Variants in MARCHF1 observed in about 807,000 individuals in gnomAD.
MARCHF1 encodes the protein E3 ubiquitin-protein ligase MARCHF1.
Under a neutral mutation model 54.2 loss-of-function variants are expected in MARCHF1, and 40 were observed. The observed-to-expected ratio is 0.74, with a 90% CI of 0.57 to 0.96. MARCHF1 has a LOEUF of 0.96. Among genes scored for constraint, MARCHF1 ranks in the 40% least tolerant of loss-of-function variants. MARCHF1 has a pLI of 0.00. For synonymous variants in MARCHF1, 236 were observed against 236.3 expected, an observed-to-expected ratio of 1.00 and a Z score of 0.01; for missense variants, 586 against 656.5, an observed-to-expected ratio of 0.89 and a Z score of 1.17.
intron 5 of MARCHF1, among the ~76,000 whole-genome samples, chr4:163,661,925 A>G (rs1743355983): frequency 6.6e-6 from 1 of 152,100 alleles, no homozygotes; most frequent in Non-Finnish European, 1.5e-5. Context: ...ATGCCATTCA[A>G]TTGATGGTTG....
At chr4:163,765,592 C>G (rs1746951114) in intron 4 of MARCHF1, among the ~76,000 whole-genome samples, 1 of 151,938 alleles carries the variant, frequency 6.6e-6, no homozygotes, top group African/African-American at 2.4e-5. Context: ...GCTACACATT[C>G]TTGACATCAG....
chr4:163,960,613 A>T (rs1560837398), intron 3 of MARCHF1, among the ~76,000 whole-genome samples: 1 of 151,998 alleles, frequency 6.6e-6, no homozygotes, highest in African/African-American at 2.4e-5. Flanking sequence ...GATGGAACTC[A>T]TGAACACAAA....
At chr4:164,282,970 C>G (rs116681137) in intron 1 of MARCHF1, among the ~76,000 whole-genome samples, 1 of 151,324 alleles carries the variant, frequency 6.6e-6, no homozygotes, top group South Asian at 2.1e-4. Context: ...GCATCCATCA[C>G]TGTGGACATA....
At chr4:163,956,706 G>A (rs2110798259) in intron 3 of MARCHF1, among the ~76,000 whole-genome samples, 2 of 152,082 alleles carry the variant, frequency 1.3e-5, no homozygotes, top group Non-Finnish European at 2.9e-5. Context: ...AAGTGGTTTG[G>A]GGGACAATGA....
chr4:163,630,543 G>A (rs1742037444), intron 5 of MARCHF1, among the ~76,000 whole-genome samples: 1 of 152,094 alleles, frequency 6.6e-6, no homozygotes, highest in African/African-American at 2.4e-5. Flanking sequence ...ACAATTTAAA[G>A]GGAAATGGTC....
At chr4:163,843,075 A>T (rs979074601) in intron 4 of MARCHF1, among the ~76,000 whole-genome samples, 1 of 152,012 alleles carries the variant, frequency 6.6e-6, no homozygotes, top group African/African-American at 2.4e-5. Flanking sequence ...GTCCACGTGT[A>T]TTCAGTGTTT....
chr4:163,872,713 G>T (rs1265631565), intron 3 of MARCHF1, among the ~76,000 whole-genome samples: 3 of 152,120 alleles, frequency 2.0e-5, no homozygotes, highest in East Asian at 3.8e-4. Context: ...GTATAGTCAT[G>T]TATTGTGATA....
intron 1 of MARCHF1, among the ~76,000 whole-genome samples, chr4:164,132,826 T>C (rs1286996522): frequency 2.6e-5 from 4 of 152,164 alleles, no homozygotes; most frequent in Non-Finnish European, 5.9e-5. Flanking sequence ...TATGTATGTG[T>C]ATGTATATTT....
At chr4:163,828,747 CATTGGAT>C (rs1345368508) in intron 4 of MARCHF1, 2 of 152,166 alleles carry the variant, frequency 1.3e-5, no homozygotes, top group Non-Finnish European at 2.9e-5. Context: ...CAACCCTGAA[CATTGGAT>C]ATTCTGGCCA....
intron 2 of MARCHF1, among the ~76,000 whole-genome samples, chr4:164,037,765 A>T (rs1215293634): frequency 6.6e-6 from 1 of 152,202 alleles, no homozygotes; most frequent in Non-Finnish European, 1.5e-5. Context: ...ATCAACAGTG[A>T]TATGTCATGT....
At chr4:163,634,743 G>C (rs201825992) in intron 5 of MARCHF1, among the ~76,000 whole-genome samples, 1 of 147,714 alleles carries the variant, frequency 6.8e-6, no homozygotes. Context: ...TGCACCAAGC[G>C]GACCTAATAG....
chr4:163,772,106 T>A (rs902668340), intron 4 of MARCHF1, among the ~76,000 whole-genome samples: 4 of 152,154 alleles, frequency 2.6e-5, no homozygotes, highest in African/African-American at 9.7e-5. Flanking sequence ...AATCTGCATA[T>A]TCACAACATC....
At chr4:163,883,316 T>C (rs1351907776) in intron 3 of MARCHF1, among the ~76,000 whole-genome samples, 1 of 150,644 alleles carries the variant, frequency 6.6e-6, no homozygotes, top group Non-Finnish European at 1.5e-5. Flanking sequence ...TGTTGATCCA[T>C]ATTAAACAAG....
chr4:163,642,967 ATGTGTG>A, intron 5 of MARCHF1, among the ~76,000 whole-genome samples: 1 of 151,820 alleles, frequency 6.6e-6, no homozygotes, highest in East Asian at 1.9e-4. Context: ...ACATATGTGT[ATGTGTG>A]TGTGTATATA....
At position 163,901,811 on chromosome 4, in the gene MARCHF1, A is replaced by T. The variant is rs147460483; in HGVS notation, c.-38-47642T>A. Among the ~76,000 whole-genome samples, 546 of 152,292 alleles carry T rather than the reference A, an allele frequency of 3.6e-3. 5 individuals carry two copies. The highest frequency in any genetic ancestry group is 0.012 in the African/African-American group (509 of 41,556). ...TTTTATCCTATCTACTGAAGCACTCATTTCAGGAACTTCAGAACCAACAAC... is the reference window on the plus strand; with the variant it reads ...TTTTATCCTATCTACTGAAGCACTCTTTTCAGGAACTTCAGAACCAACAAC... On this transcript the variant is annotated intron_variant, in intron 3 of 9. Coordinates refer to ENST00000514618, the MANE Select transcript of MARCHF1 (RefSeq NM_001394959.1).
chr4:164,239,142 T>C (rs1732652671), intron 1 of MARCHF1, among the ~76,000 whole-genome samples: 1 of 152,112 alleles, frequency 6.6e-6, no homozygotes, highest in South Asian at 2.1e-4. Context: ...CATGTATAGA[T>C]ATATACATAA....
In MARCHF1 at chr4:163,757,948, G is replaced by A. The variant is rs113748095; in HGVS notation, c.112-57085C>T. On this transcript the variant is annotated intron_variant, in intron 4 of 9. Coordinates refer to ENST00000514618, the MANE Select transcript of MARCHF1 (RefSeq NM_001394959.1). ...ATGATATTTCAGAGTAATCATTTCC[G>A]TGTAAAAGTTAATTTCATGATTTAA... 1.5e-3 allele frequency among the ~76,000 whole-genome samples: 231 copies of A among 152,148 alleles called. 1 individual carries two copies. The highest frequency in any genetic ancestry group is 3.4e-3 in the Middle Eastern group (1 of 294).
At chr4:164,314,251 C>T (rs138184623) in intron 1 of MARCHF1, among the ~76,000 whole-genome samples, 1 of 152,236 alleles carries the variant, frequency 6.6e-6, no homozygotes, top group East Asian at 1.9e-4. Context: ...ATGGAGTGTT[C>T]GTCACAGCTT....
At chr4:163,588,330 C>T (rs1432864046) in intron 7 of MARCHF1, among the ~76,000 whole-genome samples, 1 of 152,156 alleles carries the variant, frequency 6.6e-6, no homozygotes, top group East Asian at 1.9e-4. Context: ...GCCTCAGAAA[C>T]TGGACTTGTT....
Sources: gnomAD v4.1 joint callset for allele counts (sites outside exome capture counted in the v4.1 genomes callset) on GRCh38, gnomAD v4.1.1 for gene constraint, MANE v1.5 for transcripts, NCBI Gene and HGNC (gene_info 2026-07-23, HGNC 2026-07-21) for gene names.